Variants in GNAL observed in about 807,000 individuals in gnomAD.
GNAL encodes the protein guanine nucleotide-binding protein G(olf) subunit alpha.
A neutral mutation model predicts 55.1 loss-of-function variants in GNAL; 18 were observed. The ratio of observed to expected loss-of-function variants is 0.33; its 90% confidence interval spans 0.23 to 0.48. GNAL has a LOEUF of 0.48. GNAL is among the 20% of genes least tolerant of loss of function. The probability of loss-of-function intolerance (pLI) is 0.99; values close to 1 mark genes in which losing one functional copy is unlikely to be tolerated. For missense variants in GNAL, 412 were observed against 614.1 expected, an observed-to-expected ratio of 0.67 and a Z score of 3.48; for synonymous variants, 253 against 237.0, an observed-to-expected ratio of 1.07 and a Z score of -0.62.
chr18:11,864,589 G>A lies in GNAL; in HGVS notation c.834G>A (p.Val278=). 6.4e-7 allele frequency: 1 copy of A among 1,571,756 alleles called. No individual in the cohort carries two copies. Among genetic ancestry groups the A allele is most frequent in the Non-Finnish European group, 8.8e-7 (1 of 1,141,422 alleles). The change falls in exon 7 of 12, where the codon GTG becomes GTA. Residue 278 remains valine, a synonymous_variant. Coordinates refer to ENST00000334049, the MANE Select transcript of GNAL (RefSeq NM_182978.4). ...TSGIFETRFQ[V]DKVNFHMFDV... ...GGATTTTTGAGACACGATTCCAAGTGGACAAAGTAAACTTCCAGTGAGTAT... is the reference window on the plus strand; with the variant it reads ...GGATTTTTGAGACACGATTCCAAGTAGACAAAGTAAACTTCCAGTGAGTAT...
Position 11,862,386 on chromosome 18 carries a change from T to A in GNAL, c.723-9T>A, listed in dbSNP as rs2036167300. On this transcript the variant is annotated splice_polypyrimidine_tract_variant and intron_variant, in intron 5 of 11. Transcript: ENST00000334049. ...AACAGGCCTCAACCCTTGCTGGCTT[T>A]CTTTGCAGCTTCCTGGAAAGAATCG... 6.2e-7 allele frequency: 1 copy of A among 1,613,078 alleles called. No homozygotes were observed. Among genetic ancestry groups the A allele is most frequent in the Admixed American group, 1.7e-5 (1 of 60,000 alleles).
chr18:11,705,414 C>T (rs191584406), intron 1 of GNAL, among the ~76,000 whole-genome samples: 20 of 152,298 alleles, frequency 1.3e-4, no homozygotes, highest in Admixed American at 5.9e-4. Context: ...CTGCAGCAAA[C>T]GTAAGAGTGC....
At position 11,872,259 on chromosome 18, in the gene GNAL, C is replaced by T; in HGVS notation, c.1032-9C>T. On this transcript the variant is annotated splice_polypyrimidine_tract_variant and intron_variant, in intron 9 of 11. Coordinates refer to ENST00000334049, the MANE Select transcript of GNAL (RefSeq NM_182978.4). ...TGTGAAATTTGTATGTTTATTTTTC[C>T]TTTTTTAGGTGGTTACGGACCATTT... The T allele has an allele frequency of 5.1e-6, 8 of 1,559,522 alleles. No individual in the cohort carries two copies. The highest frequency in any genetic ancestry group is 4.7e-5 in the East Asian group (2 of 42,636).
rs1449205058 is a variant in GNAL, at chr18:11,868,726, G to A, written c.1031+63G>A. The A allele has an allele frequency of 4.9e-6, 7 of 1,433,694 alleles. No homozygotes were observed. Among genetic ancestry groups the A allele is most frequent in the East Asian group, 2.3e-5 (1 of 43,016 alleles). The allele number at this position is 1,433,694 out of a possible 1,614,324, so 88.8% of individuals were successfully genotyped here. A position where few individuals can be genotyped will look rare whatever the true frequency, so the allele number is the denominator to read the frequency against. On this transcript the variant is annotated intron_variant, in intron 9 of 11. Transcript: ENST00000334049. This position sits in a 1 kb window ranked among gnomAD's most constrained non-coding sequence, Gnocchi z 4.0. ...GCAAATTTTCTTTTGTTAAAAATACGCTCAGGCCAGGCGTTGTGGCTCACA... is the reference window on the plus strand; with the variant it reads ...GCAAATTTTCTTTTGTTAAAAATACACTCAGGCCAGGCGTTGTGGCTCACA...
intron 4 of GNAL, among the ~76,000 whole-genome samples, chr18:11,784,736 T>A (rs2034011382): frequency 6.6e-6 from 1 of 152,122 alleles, no homozygotes; most frequent in South Asian, 2.1e-4. Context: ...GGAGAAAGAT[T>A]TTTTCGGCCT....
intron 1 of GNAL, among the ~76,000 whole-genome samples, chr18:11,707,388 G>A (rs192949089): frequency 3.7e-4 from 56 of 152,312 alleles, no homozygotes; most frequent in Non-Finnish European, 5.7e-4. Context: ...GGGTTACCGG[G>A]TGCACAGTAA....
intron 5 of GNAL, chr18:11,857,731 G>T (rs769030863): frequency 8.3e-5 from 82 of 985,262 alleles, no homozygotes; most frequent in Non-Finnish European, 1.7e-5. Context: ...CTTTTAAGGA[G>T]CAGGGAATCT....
At chr18:11,757,114 TG>T (rs2033082341) in intron 4 of GNAL, among the ~76,000 whole-genome samples, 1 of 152,088 alleles carries the variant, frequency 6.6e-6, no homozygotes, top group African/African-American at 2.4e-5. Context: ...ATATTGCACA[TG>T]GGGGAAATAC....
intron 5 of GNAL, among the ~76,000 whole-genome samples, chr18:11,849,153 C>T (rs192884938): frequency 4.6e-5 from 7 of 152,308 alleles, no homozygotes; most frequent in Admixed American, 2.6e-4. Flanking sequence ...CATCATCTAT[C>T]GGAGTCTCTC....
intron 5 of GNAL, chr18:11,857,718 C>T: frequency 1.0e-6 from 1 of 985,352 alleles, no homozygotes; most frequent in Non-Finnish European, 1.2e-6. Context: ...AGTCTGGGAA[C>T]CCCTTTTAAG....
chr18:11,727,575 C>CA (rs1403444857), intron 1 of GNAL, among the ~76,000 whole-genome samples: 8 of 152,342 alleles, frequency 5.3e-5, no homozygotes, highest in Admixed American at 3.3e-4. Context: ...GCCTGAAACT[C>CA]AAAGGCAGAA....
chr18:11,736,428 A>G (rs1292199702), intron 1 of GNAL, among the ~76,000 whole-genome samples: 1 of 152,116 alleles, frequency 6.6e-6, no homozygotes, highest in East Asian at 1.9e-4. Context: ...TTGTGGTTTT[A>G]TTTTTTTGTA....
At chr18:11,777,759 G>A (rs951907431) in intron 4 of GNAL, among the ~76,000 whole-genome samples, 1 of 152,172 alleles carries the variant, frequency 6.6e-6, no homozygotes, top group African/African-American at 2.4e-5. Context: ...CTACCCGGAA[G>A]AGCAGACCCT....
rs528640633 is a variant in GNAL at position 11,807,016 on chromosome 18, G to A, written c.625-17902G>A. ...TCTACTAAAAATACAAAAATTAGCC[G>A]GGCATGGTGGCGCACGCCTGTAGTT... On this transcript the variant is annotated intron_variant, in intron 4 of 11. Transcript: ENST00000334049. 3.4e-4 allele frequency among the ~76,000 whole-genome samples: 52 copies of A among 152,068 alleles called. 1 individual carries two copies. The South Asian group carries it at 9.6e-3, about 28-fold the overall frequency.
chr18:11,852,067 G>A, intron 5 of GNAL: 3 of 1,612,862 alleles, frequency 1.9e-6, no homozygotes, highest in Non-Finnish European at 2.5e-6. Context: ...GGCGGAGCAG[G>A]ATGAACTGTC....
chr18:11,796,586 AAAAAAAAAAC>A (rs2034391243), intron 4 of GNAL, among the ~76,000 whole-genome samples: 1 of 148,548 alleles, frequency 6.7e-6, no homozygotes, highest in African/African-American at 2.5e-5. Flanking sequence ...AAAAAAAAAA[AAAAAAAAAAC>A]AAAACACGCA....
At chr18:11,749,785 T>G (rs767939405) in intron 1 of GNAL, among the ~76,000 whole-genome samples, 1 of 151,662 alleles carries the variant, frequency 6.6e-6, no homozygotes, top group Non-Finnish European at 1.5e-5. Context: ...ACTAGGGGGG[T>G]TGACCCAGAA....
At chr18:11,746,837 A>G (rs1464430460) in intron 1 of GNAL, 4 of 519,994 alleles carry the variant, frequency 7.7e-6, no homozygotes, top group South Asian at 1.4e-5. Flanking sequence ...GGCAGATCGT[A>G]TTGGAAGTGA....
chr18:11,824,262 T>TGGGG (rs113728715), intron 4 of GNAL, among the ~76,000 whole-genome samples: 230 of 144,974 alleles, frequency 1.6e-3, no homozygotes, highest in African/African-American at 6.1e-3. Flanking sequence ...ATGGCTGAGA[T>TGGGG]GGGGGGGGGG....
Sources: allele counts gnomAD v4.1 joint callset (sites outside exome capture counted in the v4.1 genomes callset), GRCh38; gene constraint gnomAD v4.1.1; non-coding constraint Gnocchi (gnomAD v3.1); transcripts MANE v1.5; gene names NCBI Gene and HGNC (gene_info 2026-07-23, HGNC 2026-07-21).